TAFA2: variants seen among roughly 807,000 people sequenced by gnomAD.
TAFA2 encodes chemokine-like protein TAFA-2.
Under a neutral mutation model 18.8 loss-of-function variants are expected in TAFA2, and 7 were observed. The observed-to-expected ratio is 0.37, with a 90% CI of 0.21 to 0.70. The LOEUF is 0.70. Ranked by LOEUF, TAFA2 falls within the 30% of genes least tolerant of loss-of-function variation. The pLI is 0.53. For synonymous variants in TAFA2, 60 were observed against 54.2 expected (o/e 1.11, Z -0.47); for missense variants, 122 against 158.1 (o/e 0.77, Z 1.23).
At chr12:62,239,268 C>A (rs1274093197) in intron 1 of TAFA2, among the ~76,000 whole-genome samples, 1 of 152,156 alleles carries the variant, frequency 6.6e-6, no homozygotes, top group Non-Finnish European at 1.5e-5. Flanking sequence ...TACCACAAGC[C>A]CACCTCTTAA....
chr12:61,806,727 G>A (rs1043179706), intron 2 of TAFA2, among the ~76,000 whole-genome samples: 1 of 152,204 alleles, frequency 6.6e-6, no homozygotes, highest in African/African-American at 2.4e-5. Context: ...GGTCTCAGAT[G>A]GAGATGAGGA....
rs1285438186 is a variant in TAFA2, at chr12:61,871,514, A to G, written c.-1-4088T>C. 3.9e-5 allele frequency among the ~76,000 whole-genome samples: 6 copies of G among 152,342 alleles called. No homozygotes were observed. In the South Asian group the frequency reaches 8.3e-4, roughly 21 times the overall value. On this transcript the variant is annotated intron_variant, in intron 1 of 4. Transcript: ENST00000416284. ...AATTTTGCAAAAAGCAAAAACAGTG[A>G]AAAGAAACTGGAAACTAAAGGAAAA...
chr12:61,859,634 G>C (rs989655079), intron 2 of TAFA2, among the ~76,000 whole-genome samples: 4 of 152,104 alleles, frequency 2.6e-5, no homozygotes, highest in African/African-American at 9.7e-5. Context: ...AGTAGAGACA[G>C]GGTTTCGCCG....
intron 1 of TAFA2, among the ~76,000 whole-genome samples, chr12:62,007,675 T>C (rs181849857): frequency 6.6e-6 from 1 of 152,326 alleles, no homozygotes; most frequent in Admixed American, 6.5e-5. Flanking sequence ...AGTACTACAC[T>C]TTCAGAAGTG....
chr12:61,871,984 C>T (rs990538208), intron 1 of TAFA2, among the ~76,000 whole-genome samples: 3 of 151,998 alleles, frequency 2.0e-5, no homozygotes, highest in Admixed American at 6.6e-5. Flanking sequence ...CCTAGCTACT[C>T]GGGAGGCTGA....
intron 1 of TAFA2, among the ~76,000 whole-genome samples, chr12:62,161,970 T>G (rs1006442246): frequency 3.3e-5 from 5 of 152,218 alleles, no homozygotes; most frequent in African/African-American, 1.2e-4. Context: ...ATACATCATT[T>G]CACTTAAGTC....
At chr12:61,903,447 T>A (rs1227919062) in intron 1 of TAFA2, among the ~76,000 whole-genome samples, 2 of 152,212 alleles carry the variant, frequency 1.3e-5, no homozygotes, top group Admixed American at 1.3e-4. Context: ...CTGCTATCAA[T>A]AATTTATTTA....
chr12:61,790,552 T>C (rs534095814), intron 2 of TAFA2, among the ~76,000 whole-genome samples: 2 of 151,846 alleles, frequency 1.3e-5, no homozygotes, highest in East Asian at 3.9e-4. Flanking sequence ...TAAAAATCAG[T>C]AGTGTTTTTA....
At chr12:62,141,152 C>T (rs1010050638) in intron 1 of TAFA2, among the ~76,000 whole-genome samples, 1 of 152,180 alleles carries the variant, frequency 6.6e-6, no homozygotes, top group African/African-American at 2.4e-5. Flanking sequence ...CCTGAAATAC[C>T]TTGAACAATG....
intron 1 of TAFA2, among the ~76,000 whole-genome samples, chr12:61,903,673 T>C (rs542949214): frequency 1.3e-5 from 2 of 152,264 alleles, no homozygotes; most frequent in South Asian, 4.2e-4. Context: ...CATGTCAAAT[T>C]TTAAAATATT....
rs1470972974 is a variant in TAFA2 at position 62,149,390 on chromosome 12, G to C, written c.-2+41869C>G. The stretch of plus-strand genomic sequence containing the variant: ...TATCATAGGAGCTTTCACAGAGGGG[G>C]GAAATTCAGAAGTGAGGCTCTCCTT... On this transcript the variant is annotated intron_variant, in intron 1 of 4. Transcript: ENST00000416284. Among the ~76,000 whole-genome samples the C allele has an allele frequency of 2.0e-5, 3 of 151,790 alleles. No individual in the cohort carries two copies. The East Asian group carries it at 5.8e-4, about 29-fold the overall frequency.
At chr12:61,842,797 T>C (rs1426131502) in intron 2 of TAFA2, among the ~76,000 whole-genome samples, 1 of 152,122 alleles carries the variant, frequency 6.6e-6, no homozygotes, top group African/African-American at 2.4e-5. Flanking sequence ...AGTAGACATC[T>C]TTCTCTTTGA....
At chr12:61,723,251 C>G (rs544848757) in intron 4 of TAFA2, among the ~76,000 whole-genome samples, 1 of 151,946 alleles carries the variant, frequency 6.6e-6, no homozygotes, top group Admixed American at 6.6e-5. Context: ...CACTAAAATA[C>G]GAGGTATTGG....
At chr12:61,839,234 GCAGA>G (rs1484131241) in intron 2 of TAFA2, among the ~76,000 whole-genome samples, 1 of 152,058 alleles carries the variant, frequency 6.6e-6, no homozygotes, top group Non-Finnish European at 1.5e-5. Flanking sequence ...TTTTCAGTGG[GCAGA>G]CAAAGAAGGA....
At chr12:62,075,991 C>A (rs1290583900) in intron 1 of TAFA2, among the ~76,000 whole-genome samples, 3 of 152,164 alleles carry the variant, frequency 2.0e-5, no homozygotes, top group Non-Finnish European at 4.4e-5. Context: ...AGTACCCTGG[C>A]AAATATTACT....
intron 2 of TAFA2, among the ~76,000 whole-genome samples, chr12:61,764,687 TC>T (rs2120811949): frequency 6.6e-6 from 1 of 152,246 alleles, no homozygotes; most frequent in African/African-American, 2.4e-5. Flanking sequence ...ATGAAGACAA[TC>T]TTTTAAACCT....
intron 1 of TAFA2, among the ~76,000 whole-genome samples, chr12:61,911,665 C>A (rs1178051793): frequency 6.6e-6 from 1 of 152,022 alleles, no homozygotes; most frequent in Admixed American, 6.6e-5. Flanking sequence ...AAAAACAAAA[C>A]CAGGTTTGGT....
intron 1 of TAFA2, among the ~76,000 whole-genome samples, chr12:61,986,856 T>C (rs976145845): frequency 2.6e-5 from 4 of 152,100 alleles, no homozygotes; most frequent in Non-Finnish European, 5.9e-5. Context: ...ATTATATAAA[T>C]AGGACTTGAC....
intron 1 of TAFA2, among the ~76,000 whole-genome samples, chr12:61,938,350 T>A (rs1877860231): frequency 6.6e-6 from 1 of 151,914 alleles, no homozygotes; most frequent in African/African-American, 2.4e-5. Context: ...TTTTAGATTC[T>A]AGGGTACATT....
Sources: gnomAD v4.1 joint callset for allele counts (sites outside exome capture counted in the v4.1 genomes callset) on GRCh38, gnomAD v4.1.1 for gene constraint, MANE v1.5 for transcripts, NCBI Gene and HGNC (gene_info 2026-07-23, HGNC 2026-07-21) for gene names.